Variants in RP1L1 observed in about 807,000 individuals in gnomAD.
RP1L1 encodes the protein retinitis pigmentosa 1-like 1 protein.
Under a neutral mutation model 15.7 loss-of-function variants are expected in RP1L1, and 27 were observed. The ratio of observed to expected loss-of-function variants is 1.72; its 90% confidence interval spans 1.27 to 2.38. RP1L1 has a LOEUF of 2.38. Ranked by LOEUF, RP1L1 falls within the 30% of genes most tolerant of loss-of-function variation. The pLI is 0.00. For synonymous variants in RP1L1, 1,813 were observed against 1,276.7 expected, an observed-to-expected ratio of 1.42 and a Z score of -8.96; for missense variants, 4,798 against 3,075.9, an observed-to-expected ratio of 1.56 and a Z score of -13.24.
rs767620818 is a variant in RP1L1 at position 10,612,848 on chromosome 8, C to A, written c.1250G>T (p.Gly417Val). 8 of 1,612,856 alleles carry A rather than the reference C, an allele frequency of 5.0e-6. No homozygotes were observed. The highest frequency in any genetic ancestry group is 6.8e-6 in the Non-Finnish European group (8 of 1,179,934). The stretch of plus-strand genomic sequence containing the variant: ...CCTCTTCCGAGCTGCCACTCTCTCT[C>A]CCTGGGAGGCATGCAGGGGATTCGT... ...IWTNPLHASQ[G>V]ERVAARKRWG... The change falls in exon 4 of 4, where the codon GGA becomes GTA. Residue 417 changes from glycine to valine, a missense_variant. By Grantham distance (109) the Gly-to-Val change is moderately radical. Coordinates refer to ENST00000382483, the MANE Select transcript of RP1L1 (RefSeq NM_178857.6).
chr8:10,621,637 A>T (rs1203315083), intron 2 of RP1L1: 5 of 450,980 alleles, frequency 1.1e-5, no homozygotes, highest in African/African-American at 8.0e-5. Context: ...TATGATATTT[A>T]TGAAGTATTG....
rs556949994 is a variant in RP1L1 at position 10,626,574 on chromosome 8, G to A, written c.-19-3354C>T. 2.1e-4 allele frequency among the ~76,000 whole-genome samples: 32 copies of A among 152,258 alleles called. No homozygotes were observed. The East Asian group carries it at 4.6e-3, about 22-fold the overall frequency. ...TTTCAGCACCACCTTCCAGTGGCTC[G>A]CACTTGCCACAGGTCATAAGAGCAC... is the stretch of plus-strand genomic sequence containing the variant. On this transcript the variant is annotated intron_variant, in intron 1 of 3. Coordinates refer to ENST00000382483, the MANE Select transcript of RP1L1 (RefSeq NM_178857.6).
Position 10,606,654 on chromosome 8 carries a change from C to G in RP1L1, c.*241G>C. 1 of 602,960 alleles carries G rather than the reference C, an allele frequency of 1.7e-6. No individual in the cohort carries two copies. The highest frequency in any genetic ancestry group is 2.1e-5 in the South Asian group (1 of 46,542). 37.4% of individuals were successfully genotyped at this position (602,960 alleles called of 1,614,324 possible). On this transcript the variant is annotated 3_prime_UTR_variant, in exon 4 of 4. Coordinates refer to ENST00000382483, the MANE Select transcript of RP1L1 (RefSeq NM_178857.6). ...GCCGGGCTGACCTCCGATAACCGGG[C>G]AGATCCGCAGACACCCCCTTTCTTC...
chr8:10,623,221 C>T lies in RP1L1; in HGVS notation c.-19-1G>A. Reference sequence around the variant, plus strand: ...GTTCATGGTGTGGGGGCTCTGGCCGCTGTAACAGGGCAGAGGAAGAGGGGT... The same window carrying T: ...GTTCATGGTGTGGGGGCTCTGGCCGTTGTAACAGGGCAGAGGAAGAGGGGT... On this transcript the variant is annotated splice_acceptor_variant, in intron 1 of 3. Transcript: ENST00000382483. LOFTEE classifies it low-confidence loss of function (5UTR_SPLICE). 6.5e-7 allele frequency: 1 copy of T among 1,530,228 alleles called. No homozygotes were observed. Among genetic ancestry groups the T allele is most frequent in the South Asian group, 1.3e-5 (1 of 78,054 alleles). 94.8% of individuals were successfully genotyped at this position (1,530,228 alleles called of 1,614,324 possible). A position where few individuals can be genotyped will look rare whatever the true frequency, so the allele number is the denominator to read the frequency against.
chr8:10,649,579 C>G (rs1452306284), intron 1 of RP1L1, among the ~76,000 whole-genome samples: 2 of 152,128 alleles, frequency 1.3e-5, no homozygotes, highest in African/African-American at 4.8e-5. Flanking sequence ...CTCACAAATA[C>G]CTATTTAAGA....
At chr8:10,635,263 G>A (rs746885847) in intron 1 of RP1L1, among the ~76,000 whole-genome samples, 2 of 151,960 alleles carry the variant, frequency 1.3e-5, no homozygotes, top group African/African-American at 2.4e-5. Flanking sequence ...CAACTGACCC[G>A]TTAGCCTCAG....
chr8:10,642,051 G>C (rs1798414964), intron 1 of RP1L1, among the ~76,000 whole-genome samples: 1 of 152,120 alleles, frequency 6.6e-6, no homozygotes, highest in African/African-American at 2.4e-5. Context: ...TGGTGATATT[G>C]TACTATAGTT....
intron 3 of RP1L1, 59 bp downstream of exon 3, chr8:10,616,387 G>C (rs1287849740): frequency 6.2e-7 from 1 of 1,607,844 alleles, no homozygotes; most frequent in African/African-American, 1.3e-5. Context: ...TTTCCACTCA[G>C]CCCTACTGAA....
At chr8:10,636,439 G>C (rs888309280) in intron 1 of RP1L1, among the ~76,000 whole-genome samples, 10 of 152,180 alleles carry the variant, frequency 6.6e-5, no homozygotes, top group African/African-American at 2.4e-4. Flanking sequence ...CGGTAAAATG[G>C]AGACATCGCA....
Position 10,612,689 on chromosome 8 carries a change from G to A in RP1L1, c.1409C>T (p.Ser470Phe), listed in dbSNP as rs1477258691. ...GTCCTCCGGGGTCCTGGGGCAGCAG[G>A]AGGACTCTGGCTCCGAGCCCTCGGG... ...GLPEGSEPES[S>F]CCPRTPEDGV... The change falls in exon 4 of 4, where the codon TCC (serine) becomes TTC (phenylalanine). Residue 470 changes from serine to phenylalanine, a missense_variant. Transcript: ENST00000382483. The A allele has an allele frequency of 1.2e-6, 2 of 1,603,150 alleles. No individual in the cohort carries two copies. The highest frequency in any genetic ancestry group is 2.2e-5 in the East Asian group (1 of 44,740).
intron 1 of RP1L1, among the ~76,000 whole-genome samples, chr8:10,647,872 G>A (rs1315400904): frequency 2.6e-5 from 4 of 152,136 alleles, no homozygotes; most frequent in Non-Finnish European, 5.9e-5. Flanking sequence ...AGGAATTGCT[G>A]GATCCTATGA....
At chr8:10,650,008 A>G (rs1315472252) in intron 1 of RP1L1, among the ~76,000 whole-genome samples, 1 of 152,108 alleles carries the variant, frequency 6.6e-6, no homozygotes, top group African/African-American at 2.4e-5. Flanking sequence ...ATGCAGTTCC[A>G]TTTCCCTGGT....
chr8:10,630,276 T>G (rs1449705973), intron 1 of RP1L1, among the ~76,000 whole-genome samples: 1 of 152,224 alleles, frequency 6.6e-6, no homozygotes, highest in South Asian at 2.1e-4. Context: ...GGCAGGAGGA[T>G]GGGCAGAGGC....
chr8:10,637,598 T>TA (rs892389623), intron 1 of RP1L1, among the ~76,000 whole-genome samples: 8 of 151,958 alleles, frequency 5.3e-5, no homozygotes, highest in Admixed American at 2.0e-4. Context: ...ATAAAATACA[T>TA]AAAAAAATTA....
Position 10,611,334 on chromosome 8 carries a change from G to A in RP1L1, c.2764C>T (p.Leu922=). The A allele has an allele frequency of 6.2e-7, 1 of 1,612,470 alleles. No homozygotes were observed. ...SASQGAGSRG[L]SEEKTLRSGG... ...CTCCTCAAGGTCTTCTCCTCGGACA[G>A]CCCCCGAGACCCCGCACCCTGGCTG... The change falls in exon 4 of 4, where the codon CTG becomes TTG. Residue 922 remains leucine, a synonymous_variant. Transcript: ENST00000382483.
Position 10,651,445 on chromosome 8 carries a change from C to T in RP1L1, c.-20+3453G>A, listed in dbSNP as rs577536900. The stretch of plus-strand genomic sequence containing the variant: ...AAAAAATAGAAATAAAAGCTATGCT[C>T]GGGCCGGGCGCAGTGGCTAACGTCT... On this transcript the variant is annotated intron_variant, in intron 1 of 3. Coordinates refer to ENST00000382483, the MANE Select transcript of RP1L1 (RefSeq NM_178857.6). 9.9e-5 allele frequency among the ~76,000 whole-genome samples: 15 copies of T among 152,224 alleles called. No homozygotes were observed. In the South Asian group the frequency reaches 2.3e-3, roughly 23 times the overall value.
At position 10,607,240 on chromosome 8, in the gene RP1L1, G is replaced by A; in HGVS notation, c.6858C>T (p.Asp2286=). 1 of 1,614,148 alleles carries A rather than the reference G, an allele frequency of 6.2e-7. No individual in the cohort carries two copies. The highest frequency in any genetic ancestry group is 8.5e-7 in the Non-Finnish European group (1 of 1,179,960). The change falls in exon 4 of 4, where the codon GAC becomes GAT. Residue 2286 remains aspartate (D), a synonymous_variant. Transcript: ENST00000382483. ...RPTPPPSPGG[D]TPHQRPGSQT... Reference sequence around the variant, plus strand: ...GGGAGCCTGGCCTTTGGTGGGGAGTGTCTCCACCTGGGGAAGGGGGTGGAG... The same window carrying A: ...GGGAGCCTGGCCTTTGGTGGGGAGTATCTCCACCTGGGGAAGGGGGTGGAG...
intron 2 of RP1L1, chr8:10,621,894 C>T (rs145909705): frequency 1.2e-5 from 5 of 411,076 alleles, no homozygotes; most frequent in East Asian, 7.2e-5. Context: ...GCTTCCAATT[C>T]ACTCTCTGGC....
chr8:10,637,958 C>T (rs955147487), intron 1 of RP1L1, among the ~76,000 whole-genome samples: 27 of 152,214 alleles, frequency 1.8e-4, no homozygotes, highest in Admixed American at 6.5e-5. Context: ...CCTGCAGCCC[C>T]AGGGCTGGGT....
Sources: allele counts gnomAD v4.1 joint callset (sites outside exome capture counted in the v4.1 genomes callset), GRCh38; gene constraint gnomAD v4.1.1; transcripts MANE v1.5; gene names NCBI Gene and HGNC (gene_info 2026-07-23, HGNC 2026-07-21).